ANKS3: variants seen among roughly 807,000 people sequenced by gnomAD.
ANKS3 encodes ankyrin repeat and sterile alpha motif domain containing 3, also known as ankyrin repeat and SAM domain-containing protein 3.
ANKS3 carries 62 observed loss-of-function variants against 80.7 expected under a neutral mutation model. The observed-to-expected ratio is 0.77, with a 90% CI of 0.63 to 0.95. The LOEUF (loss-of-function observed/expected upper bound fraction) is 0.95, where lower values mean the gene tolerates loss of function less well. Ranked by LOEUF, ANKS3 falls within the 40% of genes least tolerant of loss-of-function variation. The pLI is 0.00. For missense variants in ANKS3, 1,150 were observed against 883.6 expected (o/e 1.30, Z -3.82); for synonymous variants, 489 against 355.3 (o/e 1.38, Z -4.23).
chr16:4,730,303 G>A, intron 2 of ANKS3, 152 bp from the exon 3 acceptor site: 1 of 672,502 alleles, frequency 1.5e-6, no homozygotes, highest in Non-Finnish European at 2.2e-6. Flanking sequence ...TTTATTTGCT[G>A]AAATAATGTA....
At position 4,731,498 on chromosome 16, in the gene ANKS3, C is replaced by T. The variant is rs1051542737; in HGVS notation, c.-3+14G>A. ...GTTTCACCATGTTGGCCAGGCTGGT[C>T]TCGAACTCCTCACCTCAGGTGATCC... On this transcript the variant is annotated intron_variant, in intron 2 of 17. Coordinates refer to ENST00000304283, the MANE Select transcript of ANKS3 (RefSeq NM_133450.4). 1.5e-5 allele frequency: 5 copies of T among 335,634 alleles called. No homozygotes were observed. Among genetic ancestry groups the T allele is most frequent in the African/African-American group, 1.1e-4 (5 of 44,754 alleles). 20.8% of individuals were successfully genotyped at this position (335,634 alleles called of 1,614,324 possible). A position where few individuals can be genotyped will look rare whatever the true frequency, so the allele number is the denominator to read the frequency against.
At chr16:4,712,500 G>T (rs1389158870) in intron 7 of ANKS3, among the ~76,000 whole-genome samples, 1 of 152,144 alleles carries the variant, frequency 6.6e-6, no homozygotes, top group Non-Finnish European at 1.5e-5. Flanking sequence ...AGTACAACAT[G>T]TGGGATTTAT....
intron 7 of ANKS3, among the ~76,000 whole-genome samples, chr16:4,710,092 CAT>C (rs1412583568): frequency 2.0e-5 from 3 of 151,932 alleles, no homozygotes; most frequent in African/African-American, 2.4e-5. Context: ...TCATGTCAAA[CAT>C]GTAGAGTAGA....
chr16:4,717,101 G>A (rs991766966), intron 6 of ANKS3, among the ~76,000 whole-genome samples: 3 of 151,758 alleles, frequency 2.0e-5, no homozygotes, highest in Admixed American at 6.6e-5. Flanking sequence ...AATTAGCCGG[G>A]CGTGGTGGCA....
chr16:4,699,341 A>C (rs371631249), intron 11 of ANKS3, 165 bp from the exon 12 acceptor site: 3 of 912,990 alleles, frequency 3.3e-6, no homozygotes, highest in Non-Finnish European at 4.9e-6. Flanking sequence ...CAGGCAGGGC[A>C]GGATGTTGCA....
rs578064885 is a variant in ANKS3 at position 4,730,809 on chromosome 16, G to A, written c.-2-658C>T. ...GGAGGTTGCGGTGAGCCAAGATCACGCCATTGCACTCCAGCCTGGGAAACA... is the reference window on the plus strand; with the variant it reads ...GGAGGTTGCGGTGAGCCAAGATCACACCATTGCACTCCAGCCTGGGAAACA... On this transcript the variant is annotated intron_variant, in intron 2 of 17. Coordinates refer to ENST00000304283, the MANE Select transcript of ANKS3 (RefSeq NM_133450.4). 1.8e-4 allele frequency among the ~76,000 whole-genome samples: 27 copies of A among 151,930 alleles called. 1 individual carries two copies. The East Asian group carries it at 4.8e-3, about 27-fold the overall frequency.
intron 1 of ANKS3, among the ~76,000 whole-genome samples, chr16:4,732,667 A>T (rs2081692799): frequency 7.0e-6 from 1 of 142,202 alleles, no homozygotes; most frequent in Non-Finnish European, 1.5e-5. Context: ...CAACAGAGCG[A>T]AATTCTGTCT....
At chr16:4,698,168 G>A (rs1025428330) in intron 14 of ANKS3, 106 bp from the exon 15 acceptor site, 3 of 1,344,706 alleles carry the variant, frequency 2.2e-6, no homozygotes, top group African/African-American at 2.9e-5. Flanking sequence ...TGTCCTTGCA[G>A]CTGGCCCTCA....
In ANKS3 at chr16:4,730,000, C is replaced by G; in HGVS notation, c.150G>C (p.Val50=). Residue 50 remains valine, a synonymous_variant, in exon 3 of 18, where the codon GTG becomes GTC. Transcript: ENST00000304283. The part of the protein sequence containing the change: ...HTAASIGQYE[V]VKECVQRREL... ...CTTACCGCTGCACACACTCCTTCACCACTTCATACTGGCCAATGGAAGCAG... is the reference window on the plus strand; with the variant it reads ...CTTACCGCTGCACACACTCCTTCACGACTTCATACTGGCCAATGGAAGCAG... The G allele has an allele frequency of 6.5e-7, 1 of 1,537,450 alleles. No individual in the cohort carries two copies. Among genetic ancestry groups the G allele is most frequent in the Non-Finnish European group, 8.8e-7 (1 of 1,134,206 alleles).
chr16:4,723,098 AC>A (rs1431503026), intron 6 of ANKS3, among the ~76,000 whole-genome samples: 1 of 152,168 alleles, frequency 6.6e-6, no homozygotes, highest in Non-Finnish European at 1.5e-5. Flanking sequence ...ACAACAGACA[AC>A]CTTGGTAGTG....
intron 11 of ANKS3, 140 bp from the exon 12 acceptor site, chr16:4,699,316 C>T (rs761405964): frequency 1.6e-6 from 2 of 1,222,540 alleles, no homozygotes; most frequent in Non-Finnish European, 2.3e-6. Context: ...GCTGTCCCCT[C>T]CTACTCTGGT....
Position 4,698,618 on chromosome 16 carries a change from C to A in ANKS3, c.1552-19G>T, listed in dbSNP as rs777143549. The A allele has an allele frequency of 4.5e-6, 7 of 1,538,824 alleles. No individual in the cohort carries two copies. In the African/African-American group the frequency reaches 5.4e-5, roughly 12 times the overall value. ...CGCAGCGCTGCAGGGGGGTGGGGGGCGCGGGGAGGCTGGGAGGTGGCCGGT... is the reference window on the plus strand; with the variant it reads ...CGCAGCGCTGCAGGGGGGTGGGGGGAGCGGGGAGGCTGGGAGGTGGCCGGT... On this transcript the variant is annotated intron_variant, in intron 13 of 17. Coordinates refer to ENST00000304283, the MANE Select transcript of ANKS3 (RefSeq NM_133450.4).
At chr16:4,705,329 G>T in intron 7 of ANKS3, 76 bp from the exon 8 acceptor site, 1 of 1,527,470 alleles carries the variant, frequency 6.5e-7, no homozygotes, top group Non-Finnish European at 8.9e-7. Flanking sequence ...CAAACTGAAA[G>T]AAAGTGACTG....
chr16:4,704,997 G>T (rs147113889), intron 8 of ANKS3, 98 bp downstream of exon 8: 4 of 1,497,292 alleles, frequency 2.7e-6, no homozygotes, highest in South Asian at 2.6e-5. Context: ...GAGGTCCAGC[G>T]ACCCACATTT....
chr16:4,702,249 A>G lies in ANKS3; in HGVS notation c.869-7T>C, dbSNP rs1426007726. On this transcript the variant is annotated splice_region_variant and splice_polypyrimidine_tract_variant and intron_variant, in intron 8 of 17. Coordinates refer to ENST00000304283, the MANE Select transcript of ANKS3 (RefSeq NM_133450.4). ...CCACGGGGAGGAGCCTGCTCTGTGT[A>G]CAGAATGGGGCCCATAAGCCCAGGG... 2 of 1,545,264 alleles carry G rather than the reference A, an allele frequency of 1.3e-6. No individual in the cohort carries two copies. Among genetic ancestry groups the G allele is most frequent in the Non-Finnish European group, 1.7e-6 (2 of 1,147,448 alleles).
chr16:4,709,870 G>A (rs1437352892), intron 7 of ANKS3, among the ~76,000 whole-genome samples: 1 of 151,888 alleles, frequency 6.6e-6, no homozygotes, highest in Non-Finnish European at 1.5e-5. Flanking sequence ...CATTAGCCAG[G>A]TGTGGTGGTA....
At chr16:4,714,955 G>A (rs1256256661) in intron 6 of ANKS3, among the ~76,000 whole-genome samples, 14 of 118,806 alleles carry the variant, frequency 1.2e-4, no homozygotes, top group African/African-American at 4.3e-4. Flanking sequence ...TCATGCCACT[G>A]CACTCCAGCC....
chr16:4,697,507 G>A lies in ANKS3; in HGVS notation c.1811-91C>T, dbSNP rs999516489. On this transcript the variant is annotated intron_variant, in intron 15 of 17. Coordinates refer to ENST00000304283, the MANE Select transcript of ANKS3 (RefSeq NM_133450.4). ...TGAGCCCATGCAACCAGGAGAACCT[G>A]CTTGGATCAGAACCTCCCTACCCGC... is the stretch of plus-strand genomic sequence containing the variant. The A allele has an allele frequency of 5.8e-5, 64 of 1,094,640 alleles. 1 individual carries two copies. Among genetic ancestry groups the A allele is most frequent in the Non-Finnish European group, 1.7e-5 (13 of 778,414 alleles). The allele number at this position is 1,094,640 out of a possible 1,614,324, so 67.8% of individuals were successfully genotyped here. A position where few individuals can be genotyped will look rare whatever the true frequency, so the allele number is the denominator to read the frequency against.
chr16:4,697,260 C>T (rs1029689778), intron 16 of ANKS3, 73 bp downstream of exon 16: 40 of 1,550,718 alleles, frequency 2.6e-5, no homozygotes, highest in Non-Finnish European at 3.3e-5. Flanking sequence ...AACCCGCTTT[C>T]CCTGGAAAGG....
Sources: allele counts gnomAD v4.1 joint callset (sites outside exome capture counted in the v4.1 genomes callset), GRCh38; gene constraint gnomAD v4.1.1; transcripts MANE v1.5; gene names NCBI Gene and HGNC (gene_info 2026-07-23, HGNC 2026-07-21).